DBF4: variants seen among roughly 807,000 people sequenced by gnomAD.
DBF4 encodes the protein DBF4-CDC7 kinase regulatory subunit.
A neutral mutation model predicts 76.6 loss-of-function variants in DBF4; 25 were observed. That is an observed-to-expected ratio of 0.33 (90% confidence interval 0.24 to 0.46). The LOEUF (loss-of-function observed/expected upper bound fraction) is 0.46, where lower values mean the gene tolerates loss of function less well. DBF4 is among the 20% of genes least tolerant of loss of function. The pLI, the probability that DBF4 is intolerant of heterozygous loss-of-function variation, is 1.00. For missense variants in DBF4, 638 were observed against 760.8 expected, an observed-to-expected ratio of 0.84 and a Z score of 1.90; for synonymous variants, 213 against 258.0, an observed-to-expected ratio of 0.83 and a Z score of 1.67.
chr7:87,900,155 CA>C, intron 8 of DBF4, 65 bp from the exon 9 acceptor site: 3 of 1,332,414 alleles, frequency 2.3e-6, no homozygotes, highest in Non-Finnish European at 3.1e-6. Context: ...TTTTGAAATA[CA>C]AAACTTTAAA....
At chr7:87,900,083 A>G in intron 8 of DBF4, 138 bp from the exon 9 acceptor site, 1 of 727,740 alleles carries the variant, frequency 1.4e-6, no homozygotes, top group East Asian at 3.0e-5. Flanking sequence ...TAGGCCTGAA[A>G]TTGATTTTTT....
At position 87,897,856 on chromosome 7, in the gene DBF4, C is replaced by T. The variant is rs186053033; in HGVS notation, c.680+517C>T. ...GTGGCACGATCTCGGCTCACTGCAA[C>T]GTCCACCCCACCCCCGGTTCAAGCA... On this transcript the variant is annotated intron_variant, in intron 8 of 11. Transcript: ENST00000265728. Among the ~76,000 whole-genome samples the T allele has an allele frequency of 6.9e-4, 105 of 152,236 alleles. 3 individuals carry two copies. Among genetic ancestry groups the T allele is most frequent in the Non-Finnish European group, 1.9e-4 (13 of 68,012 alleles).
At chr7:87,893,483 G>T (rs1453344407) in intron 6 of DBF4, among the ~76,000 whole-genome samples, 2 of 151,172 alleles carry the variant, frequency 1.3e-5, no homozygotes, top group Non-Finnish European at 2.9e-5. Context: ...CTGACCTCAT[G>T]ATCCACCCGC....
At position 87,908,208 on chromosome 7, in the gene DBF4, C is replaced by G. The variant is rs200960678; in HGVS notation, c.*45C>G. The stretch of plus-strand genomic sequence containing the variant: ...TTTCAGAAGTGATAAGGATCATATT[C>G]TTGAAATTTTTATAAATATGTATGG... On this transcript the variant is annotated 3_prime_UTR_variant, in exon 12 of 12. Transcript: ENST00000265728. 4,965 of 1,390,182 alleles carry G rather than the reference C, an allele frequency of 3.6e-3. 19 individuals are homozygous for G. Among genetic ancestry groups the G allele is most frequent in the Non-Finnish European group, 4.0e-3 (4,273 of 1,064,622 alleles). 86.1% of individuals were successfully genotyped at this position (1,390,182 alleles called of 1,614,324 possible).
At chr7:87,879,870 T>G (rs1045924386) in intron 2 of DBF4, among the ~76,000 whole-genome samples, 1 of 151,862 alleles carries the variant, frequency 6.6e-6, no homozygotes, top group African/African-American at 2.4e-5. Context: ...TGAGCATCAC[T>G]TGAACCTGGG....
intron 10 of DBF4, 124 bp from the exon 11 acceptor site, chr7:87,904,168 A>G (rs986910115): frequency 2.9e-5 from 27 of 926,496 alleles, no homozygotes; most frequent in Non-Finnish European, 4.2e-5. Context: ...AAAGGGTATT[A>G]TCTTTGGAGT....
chr7:87,900,308 C>G lies in DBF4; in HGVS notation c.768C>G (p.Asp256Glu). ...IQKPCSPFDV[D>E]KPSSMQKQTQ... ...AGCCCTGCAGTCCATTTGATGTAGACAAGCCATCTAGTATGCAAAAGCAAA... is the reference window on the plus strand; with the variant it reads ...AGCCCTGCAGTCCATTTGATGTAGAGAAGCCATCTAGTATGCAAAAGCAAA... Residue 256 changes from aspartate (D) to glutamate (E), a missense_variant, in exon 9 of 12, where the codon GAC becomes GAG. Transcript: ENST00000265728. The G allele has an allele frequency of 1.9e-6, 3 of 1,601,004 alleles. No homozygotes were observed. The highest frequency in any genetic ancestry group is 1.7e-6 in the Non-Finnish European group (2 of 1,176,628).
intron 2 of DBF4, among the ~76,000 whole-genome samples, chr7:87,880,958 G>A (rs1839198061): frequency 6.6e-6 from 1 of 152,144 alleles, no homozygotes; most frequent in Non-Finnish European, 1.5e-5. Context: ...TTTGATGTTC[G>A]TCATGATCAC....
In DBF4 at chr7:87,900,752, G is replaced by A. The variant is rs1410357265; in HGVS notation, c.810-12G>A. 3 of 1,603,388 alleles carry A rather than the reference G, an allele frequency of 1.9e-6. No individual in the cohort carries two copies. Among genetic ancestry groups the A allele is most frequent in the Non-Finnish European group, 2.6e-6 (3 of 1,172,854 alleles). The stretch of plus-strand genomic sequence containing the variant: ...CAGCAGTTAATTCTTTACCATGTAT[G>A]TCTGTCATCAGAATCCAAACAGATG... On this transcript the variant is annotated splice_polypyrimidine_tract_variant and intron_variant, in intron 9 of 11. Transcript: ENST00000265728.
At chr7:87,892,419 C>G (rs1241277534) in intron 6 of DBF4, among the ~76,000 whole-genome samples, 1 of 152,188 alleles carries the variant, frequency 6.6e-6, no homozygotes, top group East Asian at 1.9e-4. Flanking sequence ...CATGGCTTGA[C>G]AGCTCTTTTT....
At chr7:87,879,235 C>T (rs1376356334) in intron 2 of DBF4, among the ~76,000 whole-genome samples, 1 of 152,192 alleles carries the variant, frequency 6.6e-6, no homozygotes, top group African/African-American at 2.4e-5. Context: ...AAGCATGAGC[C>T]CTCCAGGCCC....
At chr7:87,878,360 C>T (rs1393310827) in intron 2 of DBF4, 135 bp downstream of exon 2, 1 of 700,712 alleles carries the variant, frequency 1.4e-6, no homozygotes, top group Non-Finnish European at 2.3e-6. Flanking sequence ...AGCTGTTTAT[C>T]GTTAACAAAA....
intron 8 of DBF4, among the ~76,000 whole-genome samples, chr7:87,898,987 T>G (rs530095480): frequency 2.1e-4 from 32 of 152,130 alleles, no homozygotes; most frequent in Non-Finnish European, 3.5e-4. Flanking sequence ...ATGAAGATAA[T>G]TTAATGGAGA....
In DBF4 at chr7:87,876,689, C is replaced by A; in HGVS notation, c.-44C>A. 1.9e-6 allele frequency: 3 copies of A among 1,610,804 alleles called. No individual in the cohort carries two copies. The highest frequency in any genetic ancestry group is 2.5e-6 in the Non-Finnish European group (3 of 1,178,524). The stretch of plus-strand genomic sequence containing the variant: ...GCCGTGCTTTCGCGGCTGCCCGGTG[C>A]GACACTTTCTCCGGACCCAGCATGT... On this transcript the variant is annotated 5_prime_UTR_variant, in exon 1 of 12. Coordinates refer to ENST00000265728, the MANE Select transcript of DBF4 (RefSeq NM_006716.4).
At chr7:87,892,574 T>C (rs1180244244) in intron 6 of DBF4, among the ~76,000 whole-genome samples, 1 of 152,212 alleles carries the variant, frequency 6.6e-6, no homozygotes, top group Non-Finnish European at 1.5e-5. Flanking sequence ...TGTGGACATA[T>C]TGTCAACTCA....
Position 87,908,830 on chromosome 7 carries a change from C to G in DBF4, c.*667C>G, listed in dbSNP as rs1315222211. 1.3e-5 allele frequency: 2 copies of G among 152,126 alleles called. No individual in the cohort carries two copies. Among genetic ancestry groups the G allele is most frequent in the Admixed American group, 6.5e-5 (1 of 15,274 alleles). 9.4% of individuals were successfully genotyped at this position (152,126 alleles called of 1,614,324 possible). ...CTCCTGTGGCTCATGCCACAGGATCCCAGCACTTTGGGAGGCCGAGGCAGG... is the reference window on the plus strand; with the variant it reads ...CTCCTGTGGCTCATGCCACAGGATCGCAGCACTTTGGGAGGCCGAGGCAGG... On this transcript the variant is annotated 3_prime_UTR_variant, in exon 12 of 12. Coordinates refer to ENST00000265728, the MANE Select transcript of DBF4 (RefSeq NM_006716.4).
intron 2 of DBF4, among the ~76,000 whole-genome samples, chr7:87,882,665 A>G (rs1353307668): frequency 1.3e-5 from 2 of 152,226 alleles, no homozygotes; most frequent in Non-Finnish European, 1.5e-5. Context: ...GAGGAACTGA[A>G]AAGACATTTA....
Position 87,904,422 on chromosome 7 carries a change from T to C in DBF4, c.1049+6T>C, listed in dbSNP as rs370068567. 3.5e-5 allele frequency: 57 copies of C among 1,610,534 alleles called. No individual in the cohort carries two copies. In the Middle Eastern group the frequency reaches 2.0e-3, roughly 56 times the overall value. On this transcript the variant is annotated splice_donor_region_variant and intron_variant, in intron 11 of 11. Coordinates refer to ENST00000265728, the MANE Select transcript of DBF4 (RefSeq NM_006716.4). ...GACACACCTAAAAAGAAAAGGTAAT[T>C]AGTTTTATCAACCTAAGTTTTAAAT...
intron 2 of DBF4, 94 bp downstream of exon 2, chr7:87,878,319 T>G (rs1453494709): frequency 1.0e-6 from 1 of 962,782 alleles, no homozygotes; most frequent in Admixed American, 2.7e-5. Flanking sequence ...TGGAAAACGC[T>G]TCTATTAGCA....
Sources: gnomAD v4.1 joint callset for allele counts (sites outside exome capture counted in the v4.1 genomes callset) on GRCh38, gnomAD v4.1.1 for gene constraint, MANE v1.5 for transcripts, NCBI Gene and HGNC (gene_info 2026-07-23, HGNC 2026-07-21) for gene names.